The following PELP1 variants were observed in gnomAD, a reference collection of about 807,000 sequenced individuals.
The protein encoded by PELP1 is proline-, glutamic acid- and leucine-rich protein 1.
Under a neutral mutation model 95.5 loss-of-function variants are expected in PELP1, and 32 were observed. That is an observed-to-expected ratio of 0.34 (90% CI 0.25 to 0.45). PELP1 has a LOEUF of 0.45. Ranked by LOEUF, PELP1 falls within the 20% of genes least tolerant of loss-of-function variation. The pLI, the probability that PELP1 is intolerant of heterozygous loss-of-function variation, is 1.00. For missense variants in PELP1, 1,358 were observed against 1,444.8 expected, an observed-to-expected ratio of 0.94 and a Z score of 0.97; for synonymous variants, 668 against 600.1, an observed-to-expected ratio of 1.11 and a Z score of -1.65.
At position 4,682,787 on chromosome 17, in the gene PELP1, C is replaced by T; in HGVS notation, c.570+16G>A. On this transcript the variant is annotated intron_variant, in intron 4 of 16. Coordinates refer to ENST00000572293, the MANE Select transcript of PELP1 (RefSeq NM_014389.3). Reference sequence around the variant, plus strand: ...CTGCGGGGGGCCATGGGGAAGGGTCCAGGGAGACATCTCACCTCTGGCCTG... The same window carrying T: ...CTGCGGGGGGCCATGGGGAAGGGTCTAGGGAGACATCTCACCTCTGGCCTG... 1 of 1,559,382 alleles carries T rather than the reference C, an allele frequency of 6.4e-7. No individual in the cohort carries two copies. Among genetic ancestry groups the T allele is most frequent in the South Asian group, 1.2e-5 (1 of 80,096 alleles).
rs757213322 is a variant in PELP1, at chr17:4,672,758, T to C, written c.2233A>G (p.Thr745Ala). ...NEDPILAPSG[T>A]PPPTIPPDET... ...TCTGGGGGTATAGTAGGTGGGGGAGTCCCACTAGGGGCAAGGATGGGGTCC... is the reference window on the plus strand; with the variant it reads ...TCTGGGGGTATAGTAGGTGGGGGAGCCCCACTAGGGGCAAGGATGGGGTCC... The change falls in exon 16 of 17, where the codon ACT (threonine) becomes GCT (alanine). Residue 745 changes from threonine to alanine, a missense_variant. Transcript: ENST00000572293. 16 of 1,612,832 alleles carry C rather than the reference T, an allele frequency of 9.9e-6. No homozygotes were observed. Among genetic ancestry groups the C allele is most frequent in the Non-Finnish European group, 1.4e-5 (16 of 1,179,502 alleles).
rs771282331 is a variant in PELP1 at position 4,673,459 on chromosome 17, G to A, written c.1639-3C>T. On this transcript the variant is annotated splice_polypyrimidine_tract_variant and splice_region_variant and intron_variant, in intron 14 of 16. Coordinates refer to ENST00000572293, the MANE Select transcript of PELP1 (RefSeq NM_014389.3). The surrounding 1 kb of genome is among the most constrained non-coding windows in gnomAD (Gnocchi z 5.7). The stretch of plus-strand genomic sequence containing the variant: ...GGGAGGACCAGGTCATGCAGTCTCT[G>A]AAAAGGACAGAGCACACCTGGAAAC... 3 of 1,587,472 alleles carry A rather than the reference G, an allele frequency of 1.9e-6. No individual in the cohort carries two copies. Among genetic ancestry groups the A allele is most frequent in the East Asian group, 4.6e-5 (2 of 43,596 alleles).
chr17:4,698,465 G>A (rs561319316), intron 1 of PELP1, among the ~76,000 whole-genome samples: 7 of 119,228 alleles, frequency 5.9e-5, no homozygotes, highest in South Asian at 6.9e-4. Flanking sequence ...AAACCCCATC[G>A]CTACTAAAAA....
chr17:4,688,001 T>C (rs779566816), intron 3 of PELP1, among the ~76,000 whole-genome samples: 3 of 152,162 alleles, frequency 2.0e-5, no homozygotes, highest in Non-Finnish European at 2.9e-5. Flanking sequence ...AACATAGTAC[T>C]GGAAGTCCTA....
chr17:4,691,276 G>A, intron 2 of PELP1, 102 bp downstream of exon 2: 1 of 841,586 alleles, frequency 1.2e-6, no homozygotes, highest in Non-Finnish European at 2.0e-6. Flanking sequence ...AATAGAGAGA[G>A]GTCTTGAATC....
At chr17:4,682,769 G>T in intron 4 of PELP1, 34 bp downstream of exon 4, 2 of 1,539,856 alleles carry the variant, frequency 1.3e-6, no homozygotes, top group Non-Finnish European at 1.7e-6. Flanking sequence ...GGACTGCGGG[G>T]GGCCATGGGG....
chr17:4,688,406 C>T (rs1311114523), intron 3 of PELP1, among the ~76,000 whole-genome samples: 1 of 151,964 alleles, frequency 6.6e-6, no homozygotes, highest in African/African-American at 2.4e-5. Context: ...GTCAAACTGT[C>T]GTTATTCACC....
At chr17:4,698,970 T>C (rs548621848) in intron 1 of PELP1, among the ~76,000 whole-genome samples, 125 of 152,340 alleles carry the variant, frequency 8.2e-4, no homozygotes, top group African/African-American at 2.9e-3. Flanking sequence ...TCTGAAAGAA[T>C]TCCTGTATCC....
intron 1 of PELP1, among the ~76,000 whole-genome samples, chr17:4,692,078 A>G (rs2056860429): frequency 6.6e-6 from 1 of 152,058 alleles, no homozygotes; most frequent in Non-Finnish European, 1.5e-5. Flanking sequence ...CAACACATAC[A>G]CTATGCATGA....
chr17:4,703,507 T>C (rs912628113), intron 1 of PELP1, among the ~76,000 whole-genome samples: 5 of 152,184 alleles, frequency 3.3e-5, no homozygotes, highest in East Asian at 1.9e-4. Context: ...ATGTTTATTG[T>C]TGAATGCGTC....
At chr17:4,695,666 TTAAA>T (rs1567668400) in intron 1 of PELP1, among the ~76,000 whole-genome samples, 4 of 42,774 alleles carry the variant, frequency 9.4e-5, no homozygotes, top group Admixed American at 6.2e-4. Flanking sequence ...ACCCTCTCTC[TTAAA>T]AAAAAAAAAA....
At chr17:4,683,340 C>A (rs1030713737) in intron 3 of PELP1, among the ~76,000 whole-genome samples, 1 of 151,382 alleles carries the variant, frequency 6.6e-6, no homozygotes, top group East Asian at 1.9e-4. Flanking sequence ...CCTGCCTCAG[C>A]CTCCCGAGTA....
chr17:4,681,615 C>T lies in PELP1; in HGVS notation c.642+887G>A, dbSNP rs568800175. 3.3e-5 allele frequency among the ~76,000 whole-genome samples: 5 copies of T among 152,008 alleles called. No individual in the cohort carries two copies. The Middle Eastern group carries it at 0.01, about 310-fold the overall frequency. ...AAGAGATCGAGACCATCCTGGCCAA[C>T]ATGATGAAACCCCATCTCTACTAAA... On this transcript the variant is annotated intron_variant, in intron 5 of 16. Transcript: ENST00000572293.
intron 5 of PELP1, among the ~76,000 whole-genome samples, chr17:4,678,611 G>A (rs796459944): frequency 5.3e-5 from 8 of 152,284 alleles, no homozygotes; most frequent in African/African-American, 1.9e-4. Context: ...GCAATGACTC[G>A]CTTGGAACAG....
At chr17:4,677,121 A>G (rs1208728916) in intron 5 of PELP1, among the ~76,000 whole-genome samples, 1 of 151,416 alleles carries the variant, frequency 6.6e-6, no homozygotes, top group African/African-American at 2.4e-5. Flanking sequence ...AAAAGGACAT[A>G]GTACTAAAAA....
At chr17:4,683,441 C>T (rs538821792) in intron 3 of PELP1, among the ~76,000 whole-genome samples, 209 of 150,370 alleles carry the variant, frequency 1.4e-3, no homozygotes, top group Admixed American at 3.0e-3. Context: ...AGGATGGTCT[C>T]GATCTCCGAC....
At chr17:4,671,598 T>A (rs769680575) in intron 16 of PELP1, 67 bp from the exon 17 acceptor site, 1 of 1,606,744 alleles carries the variant, frequency 6.2e-7, no homozygotes, top group African/African-American at 1.3e-5. Context: ...TGGTTCAGGC[T>A]GGGCAAACCT....
rs188670304 is a variant in PELP1, at chr17:4,683,478, C to T, written c.421-526G>A. On this transcript the variant is annotated intron_variant, in intron 3 of 16. Coordinates refer to ENST00000572293, the MANE Select transcript of PELP1 (RefSeq NM_014389.3). The stretch of plus-strand genomic sequence containing the variant: ...TCGTGATCTGCCCGCCTTGGCCTCC[C>T]AAAGTGCTGGGATTACAGGTGTGAG... Among the ~76,000 whole-genome samples, 1,046 of 147,796 alleles carry T rather than the reference C, an allele frequency of 7.1e-3. 4 individuals are homozygous for T. The highest frequency in any genetic ancestry group is 0.011 in the Non-Finnish European group (752 of 67,372).
In PELP1 at chr17:4,671,498, A is replaced by T. The variant is rs1912196666; in HGVS notation, c.3334T>A (p.Phe1112Ile). ...TCATCATCAGGGGGACAATCGATGA[A>T]GTCGGCCAGCATGGCAGCTGTGTCA... ...QDDTAAMLADFIDCPPDDEKP... is the reference protein window; with the variant it reads ...QDDTAAMLADIIDCPPDDEKP... The change falls in exon 17 of 17, where the codon TTC (phenylalanine) becomes ATC (isoleucine). Residue 1112 changes from phenylalanine (F) to isoleucine (I), a missense_variant. Physicochemically the swap from Phe to Ile is conservative, Grantham distance 21. This residue lies in a region of PELP1 where 283 missense variants were observed against 284.1 expected (regional missense o/e 1.00). Coordinates refer to ENST00000572293, the MANE Select transcript of PELP1 (RefSeq NM_014389.3). The T allele has an allele frequency of 1.2e-6, 2 of 1,613,508 alleles. No homozygotes were observed. The highest frequency in any genetic ancestry group is 3.3e-5 in the Admixed American group (2 of 60,004).
Sources: allele counts gnomAD v4.1 joint callset (sites outside exome capture counted in the v4.1 genomes callset), GRCh38; gene constraint gnomAD v4.1.1; regional missense constraint gnomAD v4.1.1; non-coding constraint Gnocchi (gnomAD v3.1); transcripts MANE v1.5; gene names NCBI Gene and HGNC (gene_info 2026-07-23, HGNC 2026-07-21).